HMGCLL1: variants seen among roughly 807,000 people sequenced by gnomAD.
HMGCLL1 encodes 3-hydroxymethyl-3-methylglutaryl-CoA lyase, cytoplasmic.
A neutral mutation model predicts 39.1 loss-of-function variants in HMGCLL1; 36 were observed. The observed-to-expected ratio is 0.92, with a 90% confidence interval of 0.71 to 1.22. The LOEUF (loss-of-function observed/expected upper bound fraction) is 1.22. Among genes scored for constraint, HMGCLL1 ranks in the 50% most tolerant of loss-of-function variants. The pLI is 0.00. For synonymous variants in HMGCLL1, 149 were observed against 144.0 expected (o/e 1.03, Z -0.25); for missense variants, 451 against 416.5 (o/e 1.08, Z -0.72).
intron 7 of HMGCLL1, among the ~76,000 whole-genome samples, chr6:55,477,261 ATT>A (rs1765406271): frequency 3.9e-4 from 9 of 22,894 alleles, no homozygotes; most frequent in African/African-American, 3.8e-3. Flanking sequence ...TATAATATAT[ATT>A]ATATAATATA....
the HMGCLL1 span, among the ~76,000 whole-genome samples, chr6:55,609,006 G>C: frequency 5.0e-3 from 769 of 152,338 alleles, 8 homozygotes; most frequent in African/African-American, 0.017. Flanking sequence ...TGGTGAGTGA[G>C]AGTGGTACCC....
intron 8 of HMGCLL1, among the ~76,000 whole-genome samples, chr6:55,438,541 G>C (rs143849639): frequency 1.6e-4 from 25 of 152,168 alleles, no homozygotes; most frequent in African/African-American, 5.5e-4. Flanking sequence ...TAGGATGGTG[G>C]TGTCTTACTT....
chr6:55,506,747 C>T (rs1474999214), intron 5 of HMGCLL1, among the ~76,000 whole-genome samples: 1 of 151,394 alleles, frequency 6.6e-6, no homozygotes, highest in African/African-American at 2.4e-5. Flanking sequence ...GGACCCAAAG[C>T]CCAAAAATAG....
chr6:55,486,972 T>C (rs932847760), intron 7 of HMGCLL1, among the ~76,000 whole-genome samples: 4 of 152,078 alleles, frequency 2.6e-5, no homozygotes, highest in African/African-American at 9.7e-5. Context: ...TAAATTCCCT[T>C]GGGCCTCTTT....
chr6:55,597,920 A>T, the HMGCLL1 span, among the ~76,000 whole-genome samples: 2 of 152,188 alleles, frequency 1.3e-5, no homozygotes, highest in Non-Finnish European at 2.9e-5. Context: ...ATAAATGAAC[A>T]TGATATATAA....
intron 7 of HMGCLL1, among the ~76,000 whole-genome samples, chr6:55,481,054 T>G (rs1765719623): frequency 6.6e-6 from 1 of 152,026 alleles, no homozygotes; most frequent in African/African-American, 2.4e-5. Context: ...AGATCTAGTA[T>G]TTGATAGCAT....
At position 55,499,218 on chromosome 6, in the gene HMGCLL1, G is replaced by C. The variant is rs370487983; in HGVS notation, c.606+18C>G. The C allele has an allele frequency of 3.1e-6, 5 of 1,597,044 alleles. No individual in the cohort carries two copies. The highest frequency in any genetic ancestry group is 1.4e-5 in the African/African-American group (1 of 73,908). On this transcript the variant is annotated intron_variant, in intron 6 of 8. Coordinates refer to ENST00000274901, the MANE Select transcript of HMGCLL1 (RefSeq NM_001042406.2). The stretch of plus-strand genomic sequence containing the variant: ...TATCATGTTACCATAAACCAAAAAA[G>C]CTGAAGATGTAGCTTACTTCTGTCA...
intron 7 of HMGCLL1, among the ~76,000 whole-genome samples, chr6:55,451,026 T>C (rs1187127522): frequency 2.0e-5 from 3 of 152,174 alleles, no homozygotes; most frequent in African/African-American, 7.2e-5. Context: ...TAACACTTGC[T>C]TCTTTTGGAC....
At chr6:55,656,396 T>C in the HMGCLL1 span, among the ~76,000 whole-genome samples, 3 of 152,030 alleles carry the variant, frequency 2.0e-5, no homozygotes, top group Non-Finnish European at 4.4e-5. Flanking sequence ...TTCTTCCTGA[T>C]CACACAGCTA....
chr6:55,475,905 G>C (rs1581826629), intron 7 of HMGCLL1, among the ~76,000 whole-genome samples: 1 of 151,542 alleles, frequency 6.6e-6, no homozygotes, highest in East Asian at 1.9e-4. Context: ...GACTGTATAT[G>C]TCTGAATTTC....
chr6:55,496,839 A>T (rs1250338203), intron 6 of HMGCLL1, among the ~76,000 whole-genome samples: 1 of 152,148 alleles, frequency 6.6e-6, no homozygotes, highest in African/African-American at 2.4e-5. Context: ...ATTATCTAAA[A>T]GGCTCCCACT....
chr6:55,646,256 A>G, the HMGCLL1 span, among the ~76,000 whole-genome samples: 1 of 151,586 alleles, frequency 6.6e-6, no homozygotes, highest in Non-Finnish European at 1.5e-5. Context: ...TTTTCATCTC[A>G]AATTTTATTT....
At chr6:55,653,694 C>A in the HMGCLL1 span, among the ~76,000 whole-genome samples, 3 of 151,916 alleles carry the variant, frequency 2.0e-5, no homozygotes, top group South Asian at 4.1e-4. Context: ...TAAGGTATTA[C>A]CAATAGGAAC....
At chr6:55,623,626 A>G in the HMGCLL1 span, among the ~76,000 whole-genome samples, 3 of 147,218 alleles carry the variant, frequency 2.0e-5, no homozygotes, top group African/African-American at 7.3e-5. Flanking sequence ...GAAGAGAGAT[A>G]TATACATATA....
At chr6:55,664,245 T>C in the HMGCLL1 span, among the ~76,000 whole-genome samples, 8 of 151,814 alleles carry the variant, frequency 5.3e-5, no homozygotes, top group Non-Finnish European at 1.2e-4. Flanking sequence ...CCAGCTTGTT[T>C]GTGTGAATGC....
intron 3 of HMGCLL1, among the ~76,000 whole-genome samples, chr6:55,540,256 C>T (rs566307547): frequency 6.6e-6 from 1 of 152,110 alleles, no homozygotes; most frequent in African/African-American, 2.4e-5. Flanking sequence ...AGGTGTAGGC[C>T]ATACTGAAGA....
intron 7 of HMGCLL1, among the ~76,000 whole-genome samples, chr6:55,486,050 T>A (rs1318994283): frequency 3.3e-5 from 5 of 149,954 alleles, no homozygotes; most frequent in Admixed American, 1.3e-4. Context: ...ACACACAAGT[T>A]AAGGGTAGGC....
the HMGCLL1 span, among the ~76,000 whole-genome samples, chr6:55,654,561 A>G: frequency 1.3e-5 from 2 of 151,906 alleles, no homozygotes; most frequent in African/African-American, 2.4e-5. Context: ...AAGTTCTGCC[A>G]TCTCCTAGGT....
At chr6:55,522,464 G>A (rs1049996505) in intron 3 of HMGCLL1, among the ~76,000 whole-genome samples, 4 of 151,862 alleles carry the variant, frequency 2.6e-5, no homozygotes, top group African/African-American at 9.7e-5. Flanking sequence ...ATGCAATGTG[G>A]GATGTTCAAT....
Sources: gnomAD v4.1 joint callset for allele counts (sites outside exome capture counted in the v4.1 genomes callset) on GRCh38, gnomAD v4.1.1 for gene constraint, MANE v1.5 for transcripts, NCBI Gene and HGNC (gene_info 2026-07-23, HGNC 2026-07-21) for gene names.